The following ATAD3A variants were observed in gnomAD, a reference collection of about 807,000 sequenced individuals.
ATAD3A encodes ATPase family AAA domain-containing protein 3A.
A neutral mutation model predicts 73.8 loss-of-function variants in ATAD3A; 46 were observed. The ratio of observed to expected loss-of-function variants is 0.62; its 90% CI spans 0.49 to 0.80. The LOEUF (loss-of-function observed/expected upper bound fraction) is 0.80, where lower values mean the gene tolerates loss of function less well. ATAD3A is among the 30% of genes least tolerant of loss of function. The pLI, the probability that ATAD3A is intolerant of heterozygous loss-of-function variation, is 0.00. For missense variants in ATAD3A, 705 were observed against 838.0 expected (o/e 0.84, Z 1.96); for synonymous variants, 319 against 350.0 (o/e 0.91, Z 0.99).
intron 11 of ATAD3A, among the ~76,000 whole-genome samples, chr1:1,524,720 G>T (rs1195879943): frequency 1.4e-5 from 2 of 140,228 alleles, no homozygotes; most frequent in Non-Finnish European, 3.0e-5. Flanking sequence ...CAACACGCCT[G>T]CAGGTGGGCG....
chr1:1,534,062 C>T lies in ATAD3A; in HGVS notation c.1751C>T (p.Ser584Phe), dbSNP rs770924627. ...GGGCCTGGGCGTGGGGACGAGCCCTCCCCATCCTGAGTCCACAGGGAGATC... is the reference window on the plus strand; with the variant it reads ...GGGCCTGGGCGTGGGGACGAGCCCTTCCCATCCTGAGTCCACAGGGAGATC... ...AEGPGRGDEPSPS is the reference protein window; with the variant it reads ...AEGPGRGDEPFPS Residue 584 changes from serine (S) to phenylalanine (F), a missense_variant, in exon 16 of 16, where the codon TCC becomes TTC. Transcript: ENST00000378756. The T allele has an allele frequency of 1.2e-5, 20 of 1,612,582 alleles. No individual in the cohort carries two copies. The highest frequency in any genetic ancestry group is 1.2e-4 in the African/African-American group (9 of 74,860).
rs2767468 is a variant in ATAD3A at position 1,520,597 on chromosome 1, T to C, written c.730T>C (p.Trp244Arg). The change falls in exon 7 of 16, where the codon TGG becomes CGG. Residue 244 changes from tryptophan to arginine, a missense_variant. Trp to Arg is a moderately radical substitution (Grantham distance 101). Around this residue, in one of 5 missense-constraint regions of ATAD3A, gnomAD observed 315 missense variants for 334.1 expected, o/e 0.94. Coordinates refer to ENST00000378756, the MANE Select transcript of ATAD3A (RefSeq NM_001170535.3). This position sits in a 1 kb window ranked among gnomAD's most constrained non-coding sequence, Gnocchi z 4.0. ...AGGATTCCGTGCCTTTGTGACAGAC[T>C]GGGACAAAGTGACAGCCACGGTAAA... ...GEGFRAFVTD[W>R]DKVTATVAGL... 3.6e-4 allele frequency: 582 copies of C among 1,610,202 alleles called. 2 individuals carry two copies. Among genetic ancestry groups the C allele is most frequent in the Middle Eastern group, 3.5e-3 (20 of 5,688 alleles).
intron 11 of ATAD3A, 138 bp downstream of exon 11, chr1:1,524,535 G>C: frequency 1.2e-6 from 1 of 865,538 alleles, no homozygotes; most frequent in South Asian, 1.7e-5. Context: ...AGGCCCAGTG[G>C]AGGGTCCCTC....
At chr1:1,514,166 T>C (rs1641283630) in intron 1 of ATAD3A, among the ~76,000 whole-genome samples, 1 of 152,198 alleles carries the variant, frequency 6.6e-6, no homozygotes, top group Non-Finnish European at 1.5e-5. Flanking sequence ...CACGGGCACC[T>C]GACCTGCTCT....
At chr1:1,513,994 G>A (rs1179507349) in intron 1 of ATAD3A, among the ~76,000 whole-genome samples, 1 of 151,988 alleles carries the variant, frequency 6.6e-6, no homozygotes, top group Non-Finnish European at 1.5e-5. Flanking sequence ...TCCCAGAACT[G>A]TCTGTGAGCA....
Position 1,523,628 on chromosome 1 carries a change from C to T in ATAD3A, c.963+61C>T, listed in dbSNP as rs1272851705. 2 of 1,608,720 alleles carry T rather than the reference C, an allele frequency of 1.2e-6. No homozygotes were observed. Among genetic ancestry groups the T allele is most frequent in the African/African-American group, 1.3e-5 (1 of 74,732 alleles). On this transcript the variant is annotated intron_variant, in intron 9 of 15. Transcript: ENST00000378756. This position sits in a 1 kb window ranked among gnomAD's most constrained non-coding sequence, Gnocchi z 5.1. ...GAGGGGACCCTGGAGCTGGGCCGGG[C>T]TGTGGCCCTTGCTGGCGCTCGTGGT... is the stretch of plus-strand genomic sequence containing the variant.
At chr1:1,526,035 T>TC (rs202044551) in intron 12 of ATAD3A, among the ~76,000 whole-genome samples, 2 of 151,936 alleles carry the variant, frequency 1.3e-5, no homozygotes, top group East Asian at 3.9e-4. Context: ...TCTTTTTTTT[T>TC]TTTTTAAGGC....
intron 15 of ATAD3A, among the ~76,000 whole-genome samples, chr1:1,533,532 G>C (rs923566941): frequency 6.6e-6 from 1 of 152,172 alleles, no homozygotes; most frequent in Non-Finnish European, 1.5e-5. Context: ...CTGGAGGCCT[G>C]TGAGGGTCAG....
At chr1:1,527,470 C>T (rs1008468478) in intron 13 of ATAD3A, among the ~76,000 whole-genome samples, 6 of 152,210 alleles carry the variant, frequency 3.9e-5, no homozygotes, top group African/African-American at 1.2e-4. Flanking sequence ...TCAGGCTGGG[C>T]GAGGGTCAGC....
chr1:1,527,667 C>A (rs376722971), intron 13 of ATAD3A, 28 bp from the exon 14 acceptor site: 1 of 1,588,258 alleles, frequency 6.3e-7, no homozygotes, highest in Non-Finnish European at 8.6e-7. Context: ...GCAGCCCCAG[C>A]ATCCTCATCC....
At position 1,518,972 on chromosome 1, in the gene ATAD3A, C is replaced by G; in HGVS notation, c.496C>G (p.Gln166Glu). The change falls in exon 5 of 16, where the codon CAG becomes GAG. Residue 166 changes from glutamine to glutamate, a missense_variant. Gln to Glu is a conservative substitution (Grantham distance 29, BLOSUM62 2). Transcript: ENST00000378756. Reference sequence around the variant, plus strand: ...GAAGCAGGAGGAGTCCGTGCAGAAGCAGGAAGCCATGCGGCGAGGTAGGCT... The same window carrying G: ...GAAGCAGGAGGAGTCCGTGCAGAAGGAGGAAGCCATGCGGCGAGGTAGGCT... ...LRKQEESVQK[Q>E]EAMRRATVER... 6.2e-7 allele frequency: 1 copy of G among 1,614,172 alleles called. No homozygotes were observed. Among genetic ancestry groups the G allele is most frequent in the Non-Finnish European group, 8.5e-7 (1 of 1,179,994 alleles).
chr1:1,521,938 A>G (rs1404871355), intron 7 of ATAD3A, among the ~76,000 whole-genome samples: 2 of 152,232 alleles, frequency 1.3e-5, no homozygotes, highest in Admixed American at 6.5e-5. Flanking sequence ...CATGTTGGCC[A>G]GGCTGGTCAC....
intron 7 of ATAD3A, 132 bp from the exon 8 acceptor site, chr1:1,522,612 C>G: frequency 6.7e-7 from 1 of 1,501,320 alleles, no homozygotes; most frequent in East Asian, 2.4e-5. Flanking sequence ...AATTCGCGTT[C>G]CTGTGGGGCC....
Position 1,527,724 on chromosome 1 carries a change from C to T in ATAD3A, c.1367C>T (p.Pro456Leu). 1.2e-6 allele frequency: 2 copies of T among 1,613,586 alleles called. No individual in the cohort carries two copies. Among genetic ancestry groups the T allele is most frequent in the Non-Finnish European group, 1.7e-6 (2 of 1,179,810 alleles). Residue 456 changes from proline to leucine, a missense_variant, in exon 14 of 16, where the codon CCA becomes CTA. Physicochemically the swap from Pro to Leu is moderately conservative, Grantham distance 98. Coordinates refer to ENST00000378756, the MANE Select transcript of ATAD3A (RefSeq NM_001170535.3). Reference sequence around the variant, plus strand: ...ATGCTGGTCCTGGCCAGCAACCAACCAGAGCAGTTCGACTGGGCCATCAAT... The same window carrying T: ...ATGCTGGTCCTGGCCAGCAACCAACTAGAGCAGTTCGACTGGGCCATCAAT... ...KFMLVLASNQPEQFDWAINDR... is the reference protein window; with the variant it reads ...KFMLVLASNQLEQFDWAINDR...
At chr1:1,514,013 C>A (rs1168596495) in intron 1 of ATAD3A, among the ~76,000 whole-genome samples, 2 of 152,004 alleles carry the variant, frequency 1.3e-5, no homozygotes, top group African/African-American at 4.8e-5. Context: ...CACCAGCGCT[C>A]GCCCTGCACT....
intron 13 of ATAD3A, among the ~76,000 whole-genome samples, 181 bp downstream of exon 13, chr1:1,526,712 G>A (rs1424977557): frequency 4.6e-5 from 7 of 152,238 alleles, no homozygotes; most frequent in Non-Finnish European, 1.0e-4. Flanking sequence ...GGGTGTCACT[G>A]AGGAACATGC....
intron 5 of ATAD3A, 42 bp downstream of exon 5, chr1:1,519,032 G>A (rs200551287): frequency 0.013 from 20,356 of 1,611,434 alleles, 255 homozygotes; most frequent in South Asian, 0.037. Flanking sequence ...GGTGGCGGGG[G>A]CTGCTTGTGG....
At chr1:1,518,447 G>A (rs574843680) in intron 4 of ATAD3A, among the ~76,000 whole-genome samples, 225 of 102,626 alleles carry the variant, frequency 2.2e-3, no homozygotes, top group African/African-American at 8.7e-3. Flanking sequence ...ACATGGGCGC[G>A]CGTACACCCC....
chr1:1,513,140 G>A (rs1641253321), intron 1 of ATAD3A, among the ~76,000 whole-genome samples: 1 of 152,240 alleles, frequency 6.6e-6, no homozygotes, highest in South Asian at 2.1e-4. Context: ...GTGAGCCGCT[G>A]CTCATGGCCT....
Sources: gnomAD v4.1 joint callset for allele counts (sites outside exome capture counted in the v4.1 genomes callset) on GRCh38, gnomAD v4.1.1 for gene constraint, gnomAD v4.1.1 regional missense constraint, Gnocchi (gnomAD v3.1) non-coding constraint, MANE v1.5 for transcripts, NCBI Gene and HGNC (gene_info 2026-07-23, HGNC 2026-07-21) for gene names.